The following NGLY1 variants were observed in gnomAD, a reference collection of about 807,000 sequenced individuals.
NGLY1 encodes N-glycanase 1.
A neutral mutation model predicts 84.6 loss-of-function variants in NGLY1; 68 were observed. The ratio of observed to expected loss-of-function variants is 0.80; its 90% confidence interval spans 0.66 to 0.98. The LOEUF (loss-of-function observed/expected upper bound fraction) is 0.98, where lower values mean the gene tolerates loss of function less well. Ranked by LOEUF, NGLY1 falls within the 50% of genes least tolerant of loss-of-function variation. The pLI, the probability that NGLY1 is intolerant of heterozygous loss-of-function variation, is 0.00. For missense variants in NGLY1, 779 were observed against 770.2 expected (o/e 1.01, Z -0.14); for synonymous variants, 280 against 275.2 (o/e 1.02, Z -0.17).
intron 2 of NGLY1, among the ~76,000 whole-genome samples, chr3:25,773,802 T>C (rs1185974599): frequency 6.6e-6 from 1 of 152,216 alleles, no homozygotes; most frequent in Non-Finnish European, 1.5e-5. Flanking sequence ...TTTGGCCCCA[T>C]GGGGTGCTCC....
chr3:25,729,142 G>T lies in NGLY1; in HGVS notation c.1602C>A (p.Asp534Glu). 6.7e-7 allele frequency: 1 copy of T among 1,498,772 alleles called. No individual in the cohort carries two copies. The highest frequency in any genetic ancestry group is 1.4e-5 in the South Asian group (1 of 71,586). The allele number at this position is 1,498,772 out of a possible 1,614,324, so 92.8% of individuals were successfully genotyped here. A position where few individuals can be genotyped will look rare whatever the true frequency, so the allele number is the denominator to read the frequency against. ...MESIFRKVET[D>E]WHMVYLARKE... Reference sequence around the variant, plus strand: ...TTATGCATTAAGTTACCATGTGCCAGTCTGTTTCAACTTTTCTGAATATAG... The same window carrying T: ...TTATGCATTAAGTTACCATGTGCCATTCTGTTTCAACTTTTCTGAATATAG... Residue 534 changes from aspartate (D) to glutamate (E), a missense_variant, in exon 10 of 12, where the codon GAC (aspartate) becomes GAA (glutamate). Coordinates refer to ENST00000280700, the MANE Select transcript of NGLY1 (RefSeq NM_018297.4).
intron 3 of NGLY1, chr3:25,754,936 C>T (rs1013446375): frequency 1.4e-6 from 1 of 722,536 alleles, no homozygotes; most frequent in Non-Finnish European, 2.6e-6. Flanking sequence ...TGGAATTGGG[C>T]AAGATGGCAC....
intron 5 of NGLY1, among the ~76,000 whole-genome samples, chr3:25,738,969 TAG>T (rs1358218184): frequency 6.6e-6 from 1 of 152,144 alleles, no homozygotes; most frequent in African/African-American, 2.4e-5. Context: ...GTTTAAAATT[TAG>T]AGATATGAGG....
intron 5 of NGLY1, among the ~76,000 whole-genome samples, chr3:25,737,947 G>A (rs1705927402): frequency 6.6e-6 from 1 of 152,186 alleles, no homozygotes; most frequent in Non-Finnish European, 1.5e-5. Context: ...CTTTCAAGGT[G>A]TTCACAATCC....
At chr3:25,761,895 T>A (rs985269516) in intron 3 of NGLY1, among the ~76,000 whole-genome samples, 22 of 152,146 alleles carry the variant, frequency 1.4e-4, no homozygotes, top group African/African-American at 5.3e-4. Context: ...AAAATACTGA[T>A]ATATCCTGCA....
At chr3:25,777,411 A>AAG (rs1170466061) in intron 2 of NGLY1, among the ~76,000 whole-genome samples, 23 of 151,702 alleles carry the variant, frequency 1.5e-4, no homozygotes, top group Non-Finnish European at 3.1e-4. Flanking sequence ...AAAAAAAAAA[A>AAG]AAAAAAATTC....
intron 10 of NGLY1, among the ~76,000 whole-genome samples, chr3:25,725,869 A>G (rs1193065328): frequency 1.3e-5 from 2 of 152,180 alleles, no homozygotes; most frequent in Non-Finnish European, 2.9e-5. Context: ...TCAGTATCAT[A>G]AACAAACACA....
rs147810899 is a variant in NGLY1 at position 25,735,646 on chromosome 3, A to G, written c.1149+358T>C. ...AGTGGTTTCTTAAAAAGTTGTATGT[A>G]TATCTACCATATAATGCAGCCATTC... is the stretch of plus-strand genomic sequence containing the variant. On this transcript the variant is annotated intron_variant, in intron 7 of 11. Coordinates refer to ENST00000280700, the MANE Select transcript of NGLY1 (RefSeq NM_018297.4). 651 of 162,020 alleles carry G rather than the reference A, an allele frequency of 4.0e-3. 6 individuals are homozygous for G. Among genetic ancestry groups the G allele is most frequent in the African/African-American group, 0.015 (626 of 41,820 alleles). The allele number at this position is 162,020 out of a possible 1,614,324, so 10.0% of individuals were successfully genotyped here.
intron 3 of NGLY1, among the ~76,000 whole-genome samples, chr3:25,758,212 C>T (rs995355031): frequency 1.3e-5 from 2 of 151,972 alleles, no homozygotes; most frequent in Non-Finnish European, 2.9e-5. Context: ...TAACAAAGCC[C>T]CTTAAATTCA....
chr3:25,770,302 C>T (rs946556441), intron 2 of NGLY1, among the ~76,000 whole-genome samples: 1 of 152,184 alleles, frequency 6.6e-6, no homozygotes, highest in Admixed American at 6.5e-5. Flanking sequence ...GTGCCCGCCA[C>T]CATGCCCAGC....
intron 3 of NGLY1, 56 bp downstream of exon 3, chr3:25,764,010 T>C (rs1291039819): frequency 6.3e-7 from 1 of 1,589,900 alleles, no homozygotes; most frequent in Non-Finnish European, 8.6e-7. Flanking sequence ...TCCAAAGCTT[T>C]TGCTGTTTCA....
intron 2 of NGLY1, among the ~76,000 whole-genome samples, chr3:25,766,864 C>T (rs1317380333): frequency 6.6e-6 from 1 of 152,110 alleles, no homozygotes; most frequent in African/African-American, 2.4e-5. Context: ...CCCTTCAGTC[C>T]CTTTACAACC....
At position 25,730,254 on chromosome 3, in the gene NGLY1, C is replaced by T. The variant is rs1400280331; in HGVS notation, c.1426-936G>A. 7 of 151,808 alleles carry T rather than the reference C, an allele frequency of 4.6e-5. No individual in the cohort carries two copies. The East Asian group carries it at 1.3e-3, about 29-fold the overall frequency. The allele number at this position is 151,808 out of a possible 1,614,324, so 9.4% of individuals were successfully genotyped here. Reference sequence around the variant, plus strand: ...ATAGTACCAATGTTTCTTCTGTTTCCAATTGATTGCAAGATTAATTCCAAA... The same window carrying T: ...ATAGTACCAATGTTTCTTCTGTTTCTAATTGATTGCAAGATTAATTCCAAA... On this transcript the variant is annotated intron_variant, in intron 9 of 11. Transcript: ENST00000280700.
chr3:25,733,685 G>C (rs903810268), intron 8 of NGLY1, among the ~76,000 whole-genome samples, 187 bp downstream of exon 8: 26 of 152,008 alleles, frequency 1.7e-4, no homozygotes, highest in Non-Finnish European at 3.2e-4. Flanking sequence ...TATTTAAAAT[G>C]AGTCCGCAAA....
chr3:25,780,547 G>A (rs1163869271), intron 1 of NGLY1, among the ~76,000 whole-genome samples: 1 of 152,034 alleles, frequency 6.6e-6, no homozygotes, highest in Non-Finnish European at 1.5e-5. Flanking sequence ...CTTTCTCTGG[G>A]CTAATTTTCT....
At chr3:25,721,153 C>A (rs1449545567) in intron 10 of NGLY1, among the ~76,000 whole-genome samples, 1 of 152,050 alleles carries the variant, frequency 6.6e-6, no homozygotes, top group African/African-American at 2.4e-5. Context: ...TGCAGTGGTG[C>A]AATCATAGCT....
At chr3:25,773,261 C>G (rs1334313201) in intron 2 of NGLY1, among the ~76,000 whole-genome samples, 1 of 152,058 alleles carries the variant, frequency 6.6e-6, no homozygotes, top group South Asian at 2.1e-4. Flanking sequence ...CTCTGGAACA[C>G]TAATTATTCT....
Position 25,739,814 on chromosome 3 carries a change from G to C in NGLY1, c.659-15C>G, listed in dbSNP as rs1031490862. On this transcript the variant is annotated splice_polypyrimidine_tract_variant and intron_variant, in intron 4 of 11. Transcript: ENST00000280700. ...TATATTGATACCTGAGAAATTAAGG[G>C]AGGACCAAGTAAGAGCTAAAACTGA... The C allele has an allele frequency of 1.2e-6, 2 of 1,601,412 alleles. No individual in the cohort carries two copies. Among genetic ancestry groups the C allele is most frequent in the African/African-American group, 2.7e-5 (2 of 74,562 alleles).
Position 25,737,389 on chromosome 3 carries a change from A to G in NGLY1, c.948T>C (p.Phe316=), listed in dbSNP as rs1705888200. 1.9e-6 allele frequency: 3 copies of G among 1,614,068 alleles called. No individual in the cohort carries two copies. Among genetic ancestry groups the G allele is most frequent in the Non-Finnish European group, 2.5e-6 (3 of 1,179,990 alleles). The stretch of plus-strand genomic sequence containing the variant: ...ACCCTACAGCTCGGCAGCACAGTGT[A>G]AAACAATTGGCCCACTCGCCACACC... ...CGRCGEWANC[F]TLCCRAVGFE... The change falls in exon 6 of 12, where the codon TTT becomes TTC. Residue 316 remains phenylalanine (F), a synonymous_variant. Transcript: ENST00000280700.
Sources: gnomAD v4.1 joint callset for allele counts (sites outside exome capture counted in the v4.1 genomes callset) on GRCh38, gnomAD v4.1.1 for gene constraint, MANE v1.5 for transcripts, NCBI Gene and HGNC (gene_info 2026-07-23, HGNC 2026-07-21) for gene names.